Variants in TTYH2 observed in about 807,000 individuals in gnomAD.
TTYH2 encodes protein tweety homolog 2.
In TTYH2, 49 loss-of-function variants were observed where a neutral mutation model predicts 68.3. The ratio of observed to expected loss-of-function variants is 0.72; its 90% CI spans 0.57 to 0.91. TTYH2 has a LOEUF of 0.91. Among genes scored for constraint, TTYH2 ranks in the 40% least tolerant of loss-of-function variants. The pLI is 0.00. For synonymous variants in TTYH2, 272 were observed against 300.8 expected, an observed-to-expected ratio of 0.90 and a Z score of 0.99; for missense variants, 631 against 700.4, an observed-to-expected ratio of 0.90 and a Z score of 1.12.
rs368038202 is a variant in TTYH2 at position 74,216,160 on chromosome 17, TGA to T, written c.129+2448_129+2449del. On this transcript the variant is annotated intron_variant, in intron 1 of 13. Coordinates refer to ENST00000269346, the MANE Select transcript of TTYH2 (RefSeq NM_032646.6). Reference sequence around the variant, plus strand: ...GACACAGATCATTCAATGGAGTGGCTGAGAGGTTCAGGAGTGTGTCTCAGGAC... The same window carrying T: ...GACACAGATCATTCAATGGAGTGGCTGAGGTTCAGGAGTGTGTCTCAGGAC... Among the ~76,000 whole-genome samples, 58 of 152,296 alleles carry T rather than the reference TGA, an allele frequency of 3.8e-4. No homozygotes were observed. In the East Asian group the frequency reaches 0.011, roughly 28 times the overall value.
In TTYH2 at chr17:74,253,263, A is replaced by G. The variant is rs1014625908; in HGVS notation, c.1442A>G (p.Tyr481Cys). ...ATCTCCAACGCCCCTGTCTCCGAGT[A>G]CATGTACGGCCTGCACACACACCCA... Reference protein sequence around the residue: ...QTISNAPVSEYMNQAMLFGRN... With the variant: ...QTISNAPVSECMNQAMLFGRN... Residue 481 changes from tyrosine to cysteine, a missense_variant, in exon 12 of 14, where the codon TAC (tyrosine) becomes TGC (cysteine). By Grantham distance (194) the Tyr-to-Cys change is radical. Coordinates refer to ENST00000269346, the MANE Select transcript of TTYH2 (RefSeq NM_032646.6). 1.9e-6 allele frequency: 3 copies of G among 1,596,284 alleles called. No homozygotes were observed. Among genetic ancestry groups the G allele is most frequent in the Admixed American group, 3.5e-5 (2 of 56,610 alleles).
At chr17:74,231,443 C>T (rs1422731399) in intron 3 of TTYH2, among the ~76,000 whole-genome samples, 2 of 152,090 alleles carry the variant, frequency 1.3e-5, no homozygotes, top group African/African-American at 2.4e-5. Flanking sequence ...CCTGTCTTCC[C>T]AGCACTTTGA....
intron 2 of TTYH2, among the ~76,000 whole-genome samples, chr17:74,228,624 G>A (rs1000706228): frequency 2.6e-5 from 4 of 152,128 alleles, no homozygotes; most frequent in African/African-American, 7.2e-5. Context: ...AGCACTATAG[G>A]AAGGAGGAGA....
At position 74,252,281 on chromosome 17, in the gene TTYH2, C is replaced by T. The variant is rs905624268; in HGVS notation, c.1164C>T (p.Gly388=). The T allele has an allele frequency of 1.2e-6, 2 of 1,613,824 alleles. No individual in the cohort carries two copies. The highest frequency in any genetic ancestry group is 1.3e-5 in the African/African-American group (1 of 75,078). The change falls in exon 11 of 14, where the codon GGC becomes GGT. Residue 388 remains glycine (G), a synonymous_variant. Coordinates refer to ENST00000269346, the MANE Select transcript of TTYH2 (RefSeq NM_032646.6). The part of the protein sequence containing the change: ...LAGICYDGLQ[G]LLYLGLFSFL... ...GCATCTGCTACGACGGCCTCCAGGG[C>T]TTGCTGTACCTTGGCCTCTTCTCCT...
In TTYH2 at chr17:74,215,135, G is replaced by T. The variant is rs1052227508; in HGVS notation, c.129+1419G>T. ...AGGGAATCTTCCTCTCCCAGAGAAT[G>T]CATGAAAAGAGGCGGATATGATTTC... On this transcript the variant is annotated intron_variant, in intron 1 of 13. Coordinates refer to ENST00000269346, the MANE Select transcript of TTYH2 (RefSeq NM_032646.6). The surrounding 1 kb of genome is among the most constrained non-coding windows in gnomAD (Gnocchi z 4.3). 6.6e-6 allele frequency among the ~76,000 whole-genome samples: 1 copy of T among 151,838 alleles called. No homozygotes were observed. Among genetic ancestry groups the T allele is most frequent in the Non-Finnish European group, 1.5e-5 (1 of 67,998 alleles).
intron 8 of TTYH2, among the ~76,000 whole-genome samples, 198 bp from the exon 9 acceptor site, chr17:74,249,738 C>T (rs1218598096): frequency 6.7e-6 from 1 of 150,204 alleles, no homozygotes; most frequent in South Asian, 2.1e-4. Context: ...GAAGACTGTG[C>T]AGCTCTCAAG....
At position 74,260,197 on chromosome 17, in the gene TTYH2, G is replaced by A. The variant is rs62065683; in HGVS notation, c.1593G>A (p.Gln531=). The change falls in exon 14 of 14, where the codon CAG becomes CAA. Residue 531 remains glutamine, a synonymous_variant. Coordinates refer to ENST00000269346, the MANE Select transcript of TTYH2 (RefSeq NM_032646.6). ...ADEHLRHYGN[Q]FPA ...AGCACCTGAGGCACTACGGGAATCA[G>A]TTTCCAGCCTAACAGACTTTCGGGG... The A allele has an allele frequency of 3.2e-5, 51 of 1,613,896 alleles. No homozygotes were observed. The highest frequency in any genetic ancestry group is 4.2e-5 in the Non-Finnish European group (49 of 1,179,926).
At chr17:74,255,862 C>T (rs1360960022) in intron 13 of TTYH2, among the ~76,000 whole-genome samples, 1 of 152,164 alleles carries the variant, frequency 6.6e-6, no homozygotes, top group Non-Finnish European at 1.5e-5. Flanking sequence ...TTTCAGTGCC[C>T]CGACCCAGAT....
In TTYH2 at chr17:74,222,611, T is replaced by C. The variant is rs2050287657; in HGVS notation, c.256T>C (p.Ser86Pro). The change falls in exon 2 of 14, where the codon TCC becomes CCC. Residue 86 changes from serine (S) to proline (P), a missense_variant. By Grantham distance (74) the Ser-to-Pro change is moderately conservative (BLOSUM62 -1). Transcript: ENST00000269346. This position sits in a 1 kb window ranked among gnomAD's most constrained non-coding sequence, Gnocchi z 5.2. The part of the protein sequence containing the change: ...DDAVQTKQHH[S>P]CCITWTAVVA... Reference sequence around the variant, plus strand: ...TGCGGTGCAGACCAAGCAGCACCACTCCTGCTGCATCACCTGGACGGCCGT... The same window carrying C: ...TGCGGTGCAGACCAAGCAGCACCACCCCTGCTGCATCACCTGGACGGCCGT... 6.2e-7 allele frequency: 1 copy of C among 1,611,692 alleles called. No homozygotes were observed. Among genetic ancestry groups the C allele is most frequent in the African/African-American group, 1.3e-5 (1 of 74,940 alleles).
rs577116849 is a variant in TTYH2, at chr17:74,244,126, A to G, written c.804+77A>G. ...CTCTGGTGTGTCTCCAAGCAGGGCC[A>G]GCTTCCGGTCCCAGCTCCTAACCTA... On this transcript the variant is annotated intron_variant, in intron 6 of 13. Transcript: ENST00000269346. 2.1e-5 allele frequency: 29 copies of G among 1,402,416 alleles called. No homozygotes were observed. The East Asian group carries it at 5.8e-4, about 28-fold the overall frequency. 86.9% of individuals were successfully genotyped at this position (1,402,416 alleles called of 1,614,324 possible). A position where few individuals can be genotyped will look rare whatever the true frequency, so the allele number is the denominator to read the frequency against.
chr17:74,241,256 A>G lies in TTYH2; in HGVS notation c.636-2118A>G, dbSNP rs1160626477. Among the ~76,000 whole-genome samples the G allele has an allele frequency of 7.0e-6, 1 of 143,248 alleles. No homozygotes were observed. Among genetic ancestry groups the G allele is most frequent in the Non-Finnish European group, 1.5e-5 (1 of 66,242 alleles). 94.0% of individuals were successfully genotyped at this position (143,248 alleles called of 152,430 possible). The stretch of plus-strand genomic sequence containing the variant: ...GACAACATAGACAGACCCGGTATTT[A>G]TAATACGTGTGTGTGTGTGTGTGTG... On this transcript the variant is annotated intron_variant, in intron 4 of 13. Coordinates refer to ENST00000269346, the MANE Select transcript of TTYH2 (RefSeq NM_032646.6). This position sits in a 1 kb window ranked among gnomAD's most constrained non-coding sequence, Gnocchi z 4.1.
rs758620576 is a variant in TTYH2, at chr17:74,252,270, G to A, written c.1153G>A (p.Gly385Ser). The A allele has an allele frequency of 2.2e-5, 35 of 1,613,566 alleles. No homozygotes were observed. The highest frequency in any genetic ancestry group is 5.5e-5 in the South Asian group (5 of 91,086). ...LDALAGICYD[G>S]LQGLLYLGLF... ...CGCTCTTGCTGGCATCTGCTACGAC[G>A]GCCTCCAGGGCTTGCTGTACCTTGG... is the stretch of plus-strand genomic sequence containing the variant. Residue 385 changes from glycine to serine, a missense_variant, in exon 11 of 14, where the codon GGC (glycine) becomes AGC (serine). Physicochemically the swap from Gly to Ser is moderately conservative, Grantham distance 56 (BLOSUM62 0). Coordinates refer to ENST00000269346, the MANE Select transcript of TTYH2 (RefSeq NM_032646.6).
In TTYH2 at chr17:74,260,293, CA is replaced by C; in HGVS notation, c.*87del. 3 of 1,435,718 alleles carry C rather than the reference CA, an allele frequency of 2.1e-6. No individual in the cohort carries two copies. The highest frequency in any genetic ancestry group is 2.9e-6 in the Non-Finnish European group (3 of 1,027,182). The allele number at this position is 1,435,718 out of a possible 1,614,324, so 88.9% of individuals were successfully genotyped here. On this transcript the variant is annotated 3_prime_UTR_variant, in exon 14 of 14. Coordinates refer to ENST00000269346, the MANE Select transcript of TTYH2 (RefSeq NM_032646.6). Reference sequence around the variant, plus strand: ...CAAGCTGCGTTTCTTTAATAGAAACCAAAGGCATCTGGAGCCCGAGAGGCCT... The same window carrying C: ...CAAGCTGCGTTTCTTTAATAGAAACCAAGGCATCTGGAGCCCGAGAGGCCT...
Position 74,248,712 on chromosome 17 carries a change from G to T in TTYH2, c.805-299G>T. ...GAGGCATTCGGGAATAAGAGTAACA[G>T]CATGCGCTCTGCCCCAGTCACTTTT... On this transcript the variant is annotated intron_variant, in intron 6 of 13. Transcript: ENST00000269346. 9.2e-6 allele frequency: 12 copies of T among 1,307,330 alleles called. No homozygotes were observed. The South Asian group carries it at 2.3e-4, about 25-fold the overall frequency. The allele number at this position is 1,307,330 out of a possible 1,614,324, so 81.0% of individuals were successfully genotyped here.
At position 74,222,409 on chromosome 17, in the gene TTYH2, GGCCCAAGGGCAGGGCACTTCCAGA is replaced by G; in HGVS notation, c.130-71_130-48del. The G allele has an allele frequency of 6.8e-7, 1 of 1,475,836 alleles. No homozygotes were observed. Among genetic ancestry groups the G allele is most frequent in the Non-Finnish European group, 9.1e-7 (1 of 1,102,652 alleles). 91.4% of individuals were successfully genotyped at this position (1,475,836 alleles called of 1,614,324 possible). A position where few individuals can be genotyped will look rare whatever the true frequency, so the allele number is the denominator to read the frequency against. On this transcript the variant is annotated intron_variant, in intron 1 of 13. Coordinates refer to ENST00000269346, the MANE Select transcript of TTYH2 (RefSeq NM_032646.6). The surrounding 1 kb of genome is among the most constrained non-coding windows in gnomAD (Gnocchi z 5.2). Reference sequence around the variant, plus strand: ...GCAGCTCAGGCAGTGGGGCACTCAGGGCCCAAGGGCAGGGCACTTCCAGAGCCCCGCACTGCAGGGATGAAGAGT... The same window carrying G: ...GCAGCTCAGGCAGTGGGGCACTCAGGGCCCCGCACTGCAGGGATGAAGAGT...
chr17:74,257,318 C>T (rs1001128934), intron 13 of TTYH2, among the ~76,000 whole-genome samples: 3 of 152,192 alleles, frequency 2.0e-5, no homozygotes, highest in Admixed American at 2.0e-4. Context: ...TGCCCAGTCC[C>T]ACCTAGCCCA....
intron 10 of TTYH2, among the ~76,000 whole-genome samples, chr17:74,251,681 A>C (rs2143776739): frequency 6.6e-6 from 1 of 151,388 alleles, no homozygotes; most frequent in African/African-American, 2.4e-5. Flanking sequence ...CCCCCTCACC[A>C]CCCATGAGCT....
chr17:74,232,544 G>T lies in TTYH2; in HGVS notation c.414+1545G>T, dbSNP rs2050400762. On this transcript the variant is annotated intron_variant, in intron 3 of 13. Transcript: ENST00000269346. This position sits in a 1 kb window ranked among gnomAD's most constrained non-coding sequence, Gnocchi z 5.1. ...GCCAGCTCAGGCCTGGGAGGCAGAGGTGTGGCCTGCCTGGGGAGAACTCTC... is the reference window on the plus strand; with the variant it reads ...GCCAGCTCAGGCCTGGGAGGCAGAGTTGTGGCCTGCCTGGGGAGAACTCTC... 6.6e-6 allele frequency among the ~76,000 whole-genome samples: 1 copy of T among 152,302 alleles called. No homozygotes were observed. The highest frequency in any genetic ancestry group is 6.5e-5 in the Admixed American group (1 of 15,308).
Position 74,260,277 on chromosome 17 carries a change from T to C in TTYH2, c.*68T>C. ...TTAATTAGTGCAAATACAAGCTGCG[T>C]TTCTTTAATAGAAACCAAAGGCATC... On this transcript the variant is annotated 3_prime_UTR_variant, in exon 14 of 14. Transcript: ENST00000269346. 2.0e-6 allele frequency: 3 copies of C among 1,531,898 alleles called. No homozygotes were observed. The highest frequency in any genetic ancestry group is 2.7e-6 in the Non-Finnish European group (3 of 1,109,794). 94.9% of individuals were successfully genotyped at this position (1,531,898 alleles called of 1,614,324 possible).
Sources: allele counts gnomAD v4.1 joint callset (sites outside exome capture counted in the v4.1 genomes callset), GRCh38; gene constraint gnomAD v4.1.1; non-coding constraint Gnocchi (gnomAD v3.1); transcripts MANE v1.5; gene names NCBI Gene and HGNC (gene_info 2026-07-23, HGNC 2026-07-21).